The following STAP1 variants were observed in gnomAD, a reference collection of about 807,000 sequenced individuals.
The protein encoded by STAP1 is signal transducing adaptor family member 1.
In STAP1, 30 loss-of-function variants were observed where a neutral mutation model predicts 37.8. That is an observed-to-expected ratio of 0.79 (90% CI 0.59 to 1.08). STAP1 has a LOEUF of 1.08. STAP1 is among the 50% of genes least tolerant of loss of function. The probability of loss-of-function intolerance (pLI) is 0.00; values close to 1 mark genes in which losing one functional copy is unlikely to be tolerated. For synonymous variants in STAP1, 130 were observed against 116.0 expected (o/e 1.12, Z -0.78); for missense variants, 357 against 349.4 (o/e 1.02, Z -0.17).
intron 6 of STAP1, 70 bp downstream of exon 6, chr4:67,583,772 G>T: frequency 6.5e-7 from 1 of 1,539,144 alleles, no homozygotes; most frequent in Non-Finnish European, 8.8e-7. Context: ...GTCCAGATCA[G>T]CACCTGCTAT....
rs763389665 is a variant in STAP1, at chr4:67,562,187, T to TA, written c.120+3270dup. ...TTCTTCAATCTGTGATGTGCTAAAG[T>TA]AAAAAAAAAAAACAGTGTGTGTGGG... On this transcript the variant is annotated intron_variant, in intron 1 of 8. Transcript: ENST00000265404. Among the ~76,000 whole-genome samples, 710 of 128,196 alleles carry TA rather than the reference T, an allele frequency of 5.5e-3. 1 individual carries two copies. The highest frequency in any genetic ancestry group is 0.014 in the African/African-American group (490 of 34,288). 84.1% of individuals were successfully genotyped at this position (128,196 alleles called of 152,430 possible).
chr4:67,580,217 G>C (rs963467872), intron 4 of STAP1, among the ~76,000 whole-genome samples: 5 of 152,096 alleles, frequency 3.3e-5, no homozygotes, highest in Admixed American at 3.3e-4. Flanking sequence ...TACAATGCTT[G>C]AGCTATAATA....
At chr4:67,605,009 T>C (rs1230554629) in intron 8 of STAP1, among the ~76,000 whole-genome samples, 1 of 152,214 alleles carries the variant, frequency 6.6e-6, no homozygotes, top group East Asian at 1.9e-4. Context: ...GCCTGGAATT[T>C]GTGTCACTTC....
chr4:67,562,584 T>G (rs1578019568), intron 1 of STAP1, among the ~76,000 whole-genome samples: 2 of 123,966 alleles, frequency 1.6e-5, no homozygotes, highest in Admixed American at 9.6e-5. Flanking sequence ...GCTAACAAGG[T>G]GAAACCCTGT....
intron 7 of STAP1, among the ~76,000 whole-genome samples, chr4:67,592,360 T>C (rs1728137361): frequency 6.6e-6 from 1 of 152,196 alleles, no homozygotes; most frequent in African/African-American, 2.4e-5. Context: ...TATAAAAATA[T>C]TAGTTTAGGG....
intron 1 of STAP1, among the ~76,000 whole-genome samples, chr4:67,569,708 T>C (rs928713278): frequency 2.6e-5 from 4 of 152,038 alleles, no homozygotes; most frequent in African/African-American, 4.8e-5. Flanking sequence ...ATCATTATCT[T>C]CCACCTTCAT....
In STAP1 at chr4:67,606,341, A is replaced by G; in HGVS notation, c.872A>G (p.Asn291Ser). ...GGGAGAAGTGAAAAGTTGAAGAAAA[A>G]TCCACACATTGCATGAAATACAATG... The part of the protein sequence containing the change: ...MEGRSEKLKK[N>S]PHIA Residue 291 changes from asparagine (N) to serine (S), a missense_variant, in exon 9 of 9, where the codon AAT becomes AGT. Physicochemically the swap from Asn to Ser is conservative, Grantham distance 46 (BLOSUM62 1). Transcript: ENST00000265404. 1 of 1,611,352 alleles carries G rather than the reference A, an allele frequency of 6.2e-7. No homozygotes were observed.
At chr4:67,561,157 A>G (rs957282368) in intron 1 of STAP1, among the ~76,000 whole-genome samples, 2 of 152,102 alleles carry the variant, frequency 1.3e-5, no homozygotes, top group African/African-American at 4.8e-5. Context: ...AAGTAATATG[A>G]CTCCAAGGAG....
chr4:67,604,383 A>G (rs1481865737), intron 8 of STAP1, among the ~76,000 whole-genome samples: 1 of 152,176 alleles, frequency 6.6e-6, no homozygotes, highest in East Asian at 1.9e-4. Flanking sequence ...TTTCTAGTGT[A>G]GACAGTTGTT....
At chr4:67,562,720 G>A (rs960457608) in intron 1 of STAP1, among the ~76,000 whole-genome samples, 1 of 151,624 alleles carries the variant, frequency 6.6e-6, no homozygotes, top group Non-Finnish European at 1.5e-5. Flanking sequence ...TGCAGGGAGC[G>A]GAGATTGCGC....
intron 4 of STAP1, among the ~76,000 whole-genome samples, chr4:67,578,626 A>C (rs977983757): frequency 9.2e-5 from 14 of 152,158 alleles, no homozygotes; most frequent in Non-Finnish European, 1.6e-4. Flanking sequence ...TAACTATCCC[A>C]AAGGTATGTG....
chr4:67,560,810 G>A (rs1333586051), intron 1 of STAP1, among the ~76,000 whole-genome samples: 3 of 151,982 alleles, frequency 2.0e-5, no homozygotes, highest in Non-Finnish European at 4.4e-5. Context: ...TACCACACCC[G>A]GCTAACGTTT....
At position 67,606,466 on chromosome 4, in the gene STAP1, C is replaced by A; in HGVS notation, c.*109C>A. 18 of 864,926 alleles carry A rather than the reference C, an allele frequency of 2.1e-5. No individual in the cohort carries two copies. In the South Asian group the frequency reaches 3.2e-4, roughly 15 times the overall value. The allele number at this position is 864,926 out of a possible 1,614,324, so 53.6% of individuals were successfully genotyped here. A position where few individuals can be genotyped will look rare whatever the true frequency, so the allele number is the denominator to read the frequency against. On this transcript the variant is annotated 3_prime_UTR_variant, in exon 9 of 9. Transcript: ENST00000265404. ...ATTCTCCTGATACTGATTACCAAGT[C>A]ATTCACCTGAACACCAGAATTAGAA...
intron 1 of STAP1, among the ~76,000 whole-genome samples, chr4:67,566,760 A>G (rs1395804738): frequency 6.6e-6 from 1 of 152,166 alleles, no homozygotes; most frequent in East Asian, 1.9e-4. Flanking sequence ...ACTTGATGTC[A>G]GGTGTTAGAG....
At chr4:67,580,286 C>A (rs1209584110) in intron 4 of STAP1, among the ~76,000 whole-genome samples, 1 of 152,006 alleles carries the variant, frequency 6.6e-6, no homozygotes, top group Admixed American at 6.6e-5. Context: ...TCATTTTTTT[C>A]TGGTATATAT....
At chr4:67,588,817 C>T (rs966795768) in intron 6 of STAP1, among the ~76,000 whole-genome samples, 1 of 152,174 alleles carries the variant, frequency 6.6e-6, no homozygotes, top group Non-Finnish European at 1.5e-5. Flanking sequence ...GCAATAAAAA[C>T]TTTGAGACAG....
rs117304147 is a variant in STAP1, at chr4:67,600,855, A to C, written c.827-5441A>C. ...GTTTCCATCTCTTTAGTTTTAGTCT[A>C]TGTCTGTCTTTATACGTGAAGTATG... On this transcript the variant is annotated intron_variant, in intron 8 of 8. Coordinates refer to ENST00000265404, the MANE Select transcript of STAP1 (RefSeq NM_012108.4). Among the ~76,000 whole-genome samples, 212 of 152,140 alleles carry C rather than the reference A, an allele frequency of 1.4e-3. 2 individuals are homozygous for C. The East Asian group carries it at 0.038, about 27-fold the overall frequency.
chr4:67,600,387 T>G (rs1042213118), intron 8 of STAP1, among the ~76,000 whole-genome samples: 1 of 152,208 alleles, frequency 6.6e-6, no homozygotes, highest in Non-Finnish European at 1.5e-5. Flanking sequence ...CTTCAATTTT[T>G]TTTTAATGTT....
At position 67,559,536 on chromosome 4, in the gene STAP1, T is replaced by G. The variant is rs76864184; in HGVS notation, c.120+607T>G. On this transcript the variant is annotated intron_variant, in intron 1 of 8. Transcript: ENST00000265404. ...AGTACACTAAGCTACATAAATACCT[T>G]TGCTCTAAGAAAATCCATGAAGCAT... 3.7e-3 allele frequency among the ~76,000 whole-genome samples: 564 copies of G among 152,218 alleles called. 20 individuals carry two copies. In the East Asian group the frequency reaches 0.094, roughly 25 times the overall value.
Sources: allele counts gnomAD v4.1 joint callset (sites outside exome capture counted in the v4.1 genomes callset), GRCh38; gene constraint gnomAD v4.1.1; transcripts MANE v1.5; gene names NCBI Gene and HGNC (gene_info 2026-07-23, HGNC 2026-07-21).